The following PPP2R5E variants were observed in gnomAD, a reference collection of about 807,000 sequenced individuals.
PPP2R5E encodes the protein protein phosphatase 2 regulatory subunit B'epsilon.
A neutral mutation model predicts 65.3 loss-of-function variants in PPP2R5E; 4 were observed. That is an observed-to-expected ratio of 0.06 (90% CI 0.03 to 0.14). The LOEUF (loss-of-function observed/expected upper bound fraction) is 0.14, where lower values mean the gene tolerates loss of function less well. Ranked by LOEUF, PPP2R5E falls within the 10% of genes least tolerant of loss-of-function variation. PPP2R5E has a pLI of 1.00. For synonymous variants in PPP2R5E, 183 were observed against 187.4 expected, an observed-to-expected ratio of 0.98 and a Z score of 0.19; for missense variants, 274 against 556.1, an observed-to-expected ratio of 0.49 and a Z score of 5.10.
chr14:63,494,882 G>T (rs1456935147), intron 2 of PPP2R5E, among the ~76,000 whole-genome samples: 2 of 150,296 alleles, frequency 1.3e-5, no homozygotes, highest in Non-Finnish European at 3.0e-5. Context: ...GAGCAATAGA[G>T]CCAGACCTTA....
intron 5 of PPP2R5E, among the ~76,000 whole-genome samples, chr14:63,408,261 A>G (rs1038775096): frequency 2.6e-5 from 4 of 152,152 alleles, no homozygotes; most frequent in Admixed American, 2.0e-4. Flanking sequence ...TAACCTTTGT[A>G]TATATATCTT....
At chr14:63,411,306 A>C (rs915906849) in intron 5 of PPP2R5E, among the ~76,000 whole-genome samples, 8 of 152,200 alleles carry the variant, frequency 5.3e-5, no homozygotes, top group Admixed American at 4.6e-4. Flanking sequence ...GATAAAACTC[A>C]AAGATTACTG....
At chr14:63,484,506 ACT>A (rs888515806) in intron 2 of PPP2R5E, among the ~76,000 whole-genome samples, 1 of 152,154 alleles carries the variant, frequency 6.6e-6, no homozygotes, top group African/African-American at 2.4e-5. Flanking sequence ...TTAAGCATAC[ACT>A]GTGTCAAACA....
chr14:63,394,305 G>A (rs1333184995), intron 7 of PPP2R5E, among the ~76,000 whole-genome samples: 1 of 152,018 alleles, frequency 6.6e-6, no homozygotes, highest in Non-Finnish European at 1.5e-5. Context: ...GACTGGTCTA[G>A]AACTCTTAAC....
At chr14:63,476,673 T>C (rs767276760) in intron 2 of PPP2R5E, among the ~76,000 whole-genome samples, 11 of 152,176 alleles carry the variant, frequency 7.2e-5, no homozygotes, top group Admixed American at 2.0e-4. Context: ...CCCTACTATA[T>C]GGATGTATTA....
At chr14:63,384,683 A>G (rs959372427) in intron 11 of PPP2R5E, 112 bp from the exon 12 acceptor site, 3 of 831,648 alleles carry the variant, frequency 3.6e-6, no homozygotes, top group South Asian at 2.0e-5. Flanking sequence ...AAATCATTCA[A>G]TTAGAGGTAA....
intron 2 of PPP2R5E, among the ~76,000 whole-genome samples, chr14:63,508,740 T>A (rs75030548): frequency 0.015 from 2,261 of 152,370 alleles, 51 homozygotes; most frequent in African/African-American, 0.052. Context: ...ACTGTCATTA[T>A]CAGCACCCTC....
intron 2 of PPP2R5E, among the ~76,000 whole-genome samples, chr14:63,481,495 CAAAAAAA>C (rs59764365): frequency 8.6e-4 from 80 of 93,090 alleles, no homozygotes; most frequent in African/African-American, 2.0e-3. Flanking sequence ...GACTCCATCT[CAAAAAAA>C]AAAAAAAAAA....
intron 2 of PPP2R5E, among the ~76,000 whole-genome samples, chr14:63,524,732 C>T (rs1396756404): frequency 1.3e-5 from 2 of 152,192 alleles, no homozygotes; most frequent in Non-Finnish European, 2.9e-5. Context: ...CCCAGCTCCC[C>T]GGCCTGGCCA....
chr14:63,453,633 T>C, intron 3 of PPP2R5E, 56 bp downstream of exon 3: 2 of 1,539,758 alleles, frequency 1.3e-6, no homozygotes, highest in Non-Finnish European at 1.8e-6. Context: ...TATATACACC[T>C]GTGAGTCACT....
At chr14:63,502,276 C>T (rs915532195) in intron 2 of PPP2R5E, among the ~76,000 whole-genome samples, 5 of 152,234 alleles carry the variant, frequency 3.3e-5, no homozygotes, top group East Asian at 3.9e-4. Context: ...TGCTGCCCGG[C>T]CTCCTGACAC....
At chr14:63,397,606 A>G (rs1885479457) in intron 5 of PPP2R5E, among the ~76,000 whole-genome samples, 2 of 151,864 alleles carry the variant, frequency 1.3e-5, no homozygotes, top group Non-Finnish European at 2.9e-5. Flanking sequence ...AAAATGTCTC[A>G]ATGATACTGG....
chr14:63,378,132 A>G (rs926293348), intron 13 of PPP2R5E, among the ~76,000 whole-genome samples: 1 of 152,238 alleles, frequency 6.6e-6, no homozygotes, highest in Non-Finnish European at 1.5e-5. Flanking sequence ...CAATGTTAGC[A>G]AAAAACACAA....
rs751913915 is a variant in PPP2R5E at position 63,375,877 on chromosome 14, C to T, written c.*132G>A. 4.3e-4 allele frequency: 282 copies of T among 652,600 alleles called. No individual in the cohort carries two copies. Among genetic ancestry groups the T allele is most frequent in the Non-Finnish European group, 6.6e-4 (249 of 379,210 alleles). 40.4% of individuals were successfully genotyped at this position (652,600 alleles called of 1,614,324 possible). On this transcript the variant is annotated 3_prime_UTR_variant, in exon 14 of 14. Coordinates refer to ENST00000337537, the MANE Select transcript of PPP2R5E (RefSeq NM_006246.5). ...TCCTTTACTTAGAGACAGGTATATA[C>T]AGTGCTGCTGTAATAATGAAACAAA...
chr14:63,453,899 A>C lies in PPP2R5E; in HGVS notation c.158-14T>G. On this transcript the variant is annotated splice_polypyrimidine_tract_variant and intron_variant, in intron 2 of 13. Coordinates refer to ENST00000337537, the MANE Select transcript of PPP2R5E (RefSeq NM_006246.5). The stretch of plus-strand genomic sequence containing the variant: ...AGGATGGAACGTCTAAGAAAAAAAA[A>C]GGAAATGGTGTAAGTCTGTCATCAA... The C allele has an allele frequency of 6.9e-7, 1 of 1,449,934 alleles. No individual in the cohort carries two copies. The highest frequency in any genetic ancestry group is 9.1e-7 in the Non-Finnish European group (1 of 1,097,170). 89.8% of individuals were successfully genotyped at this position (1,449,934 alleles called of 1,614,324 possible). A position where few individuals can be genotyped will look rare whatever the true frequency, so the allele number is the denominator to read the frequency against.
chr14:63,380,989 A>G (rs1399627034), intron 13 of PPP2R5E, among the ~76,000 whole-genome samples: 1 of 152,200 alleles, frequency 6.6e-6, no homozygotes, highest in East Asian at 1.9e-4. Context: ...CTGGGTATGA[A>G]CACTCGCACA....
intron 2 of PPP2R5E, among the ~76,000 whole-genome samples, chr14:63,512,616 A>G (rs566748195): frequency 6.6e-6 from 1 of 152,282 alleles, no homozygotes; most frequent in Admixed American, 6.5e-5. Context: ...TTCCACTCCT[A>G]TTCCCCAAAG....
chr14:63,515,823 T>C (rs1048468125), intron 2 of PPP2R5E, among the ~76,000 whole-genome samples: 2 of 149,798 alleles, frequency 1.3e-5, no homozygotes, highest in African/African-American at 4.9e-5. Context: ...CCAGTCATAG[T>C]CACTTATTTT....
chr14:63,521,949 CCCCCT>C (rs1211343486), intron 2 of PPP2R5E, among the ~76,000 whole-genome samples: 2 of 121,848 alleles, frequency 1.6e-5, no homozygotes, highest in African/African-American at 3.3e-5. Context: ...CCCTCCCCCT[CCCCCT>C]CCCCCTCCCC....
Sources: allele counts gnomAD v4.1 joint callset (sites outside exome capture counted in the v4.1 genomes callset), GRCh38; gene constraint gnomAD v4.1.1; transcripts MANE v1.5; gene names NCBI Gene and HGNC (gene_info 2026-07-23, HGNC 2026-07-21).